The following CENPF variants were observed in gnomAD, a reference collection of about 807,000 sequenced individuals.
CENPF encodes AH antigen.
In CENPF, 214 loss-of-function variants were observed where a neutral mutation model predicts 307.3. That is an observed-to-expected ratio of 0.70 (90% CI 0.62 to 0.78). The LOEUF (loss-of-function observed/expected upper bound fraction) is 0.78, where lower values mean the gene tolerates loss of function less well. CENPF is among the 30% of genes least tolerant of loss of function. CENPF has a pLI of 0.00. For synonymous variants in CENPF, 1,259 were observed against 1,270.6 expected (o/e 0.99, Z 0.19); for missense variants, 3,401 against 3,483.9 (o/e 0.98, Z 0.60).
rs747535480 is a variant in CENPF at position 214,640,390 on chromosome 1, C to T, written c.2052C>T (p.Asn684=). The T allele has an allele frequency of 9.9e-6, 16 of 1,613,826 alleles. No individual in the cohort carries two copies. The highest frequency in any genetic ancestry group is 5.3e-5 in the African/African-American group (4 of 74,890). ...NLSVEIRNLH[N]VLDSKSVEVE... ...GTGTCGAGATCAGAAACCTTCACAA[C>T]GTGTTAGACAGTAAGTCAGTGGAGG... The change falls in exon 12 of 20, where the codon AAC becomes AAT. Residue 684 remains asparagine, a synonymous_variant. Transcript: ENST00000366955.
chr1:214,606,064 C>T (rs1657020568), intron 1 of CENPF: 12 of 1,592,516 alleles, frequency 7.5e-6, no homozygotes, highest in Admixed American at 3.4e-5. Context: ...TGATGCTGTC[C>T]GGGCTGATGC....
At chr1:214,615,483 A>T (rs963643695) in intron 3 of CENPF, among the ~76,000 whole-genome samples, 1 of 152,210 alleles carries the variant, frequency 6.6e-6, no homozygotes, top group African/African-American at 2.4e-5. Context: ...TAGTTGAAGC[A>T]TACTGATGGC....
intron 14 of CENPF, among the ~76,000 whole-genome samples, chr1:214,650,466 C>G (rs959659970): frequency 1.3e-5 from 2 of 152,032 alleles, no homozygotes; most frequent in South Asian, 4.2e-4. Flanking sequence ...GAAGGCGGCT[C>G]AGGGCCTAGC....
chr1:214,636,892 T>A (rs1325756777), intron 10 of CENPF, among the ~76,000 whole-genome samples: 1 of 152,216 alleles, frequency 6.6e-6, no homozygotes, highest in East Asian at 1.9e-4. Flanking sequence ...TTTATGCCAA[T>A]TCCCTGTGGT....
chr1:214,663,266 C>T (rs1658831718), intron 19 of CENPF, among the ~76,000 whole-genome samples: 1 of 152,164 alleles, frequency 6.6e-6, no homozygotes, highest in Admixed American at 6.5e-5. Context: ...ACAACAGAGG[C>T]AGGTTTTTCA....
rs749287821 is a variant in CENPF, at chr1:214,645,088, T to C, written c.5518T>C (p.Ser1840Pro). ...KIVGELKKEN[S>P]DLSEKLEYFS... ...AGTTGGGGAACTTAAGAAAGAAAAC[T>C]CAGATTTAAGTGAAAAATTGGAATA... Residue 1840 changes from serine to proline, a missense_variant, in exon 13 of 20, where the codon TCA (serine) becomes CCA (proline). By Grantham distance (74) the Ser-to-Pro change is moderately conservative. Coordinates refer to ENST00000366955, the MANE Select transcript of CENPF (RefSeq NM_016343.4). The C allele has an allele frequency of 6.2e-7, 1 of 1,613,034 alleles. No individual in the cohort carries two copies. The highest frequency in any genetic ancestry group is 8.5e-7 in the Non-Finnish European group (1 of 1,179,796).
chr1:214,647,291 C>G lies in CENPF; in HGVS notation c.7721C>G (p.Ser2574Cys), dbSNP rs201477597. 6.2e-7 allele frequency: 1 copy of G among 1,613,896 alleles called. No individual in the cohort carries two copies. Among genetic ancestry groups the G allele is most frequent in the Non-Finnish European group, 8.5e-7 (1 of 1,179,954 alleles). The change falls in exon 13 of 20, where the codon TCC becomes TGC. Residue 2574 changes from serine (S) to cysteine (C), a missense_variant. Ser to Cys is a moderately radical substitution (Grantham distance 112). Transcript: ENST00000366955. Reference sequence around the variant, plus strand: ...GAGCAGAAGATCCAAGTGCTACAATCCAAAAATGCCTCTTTGCAGGACACA... The same window carrying G: ...GAGCAGAAGATCCAAGTGCTACAATGCAAAAATGCCTCTTTGCAGGACACA... ...ELEQKIQVLQSKNASLQDTLE... is the reference protein window; with the variant it reads ...ELEQKIQVLQCKNASLQDTLE...
At chr1:214,653,389 A>C (rs542280204) in intron 16 of CENPF, 1 of 170,240 alleles carries the variant, frequency 5.9e-6, no homozygotes, top group East Asian at 1.6e-4. Flanking sequence ...TTACGGGGAG[A>C]TCAAAGTGTG....
chr1:214,638,051 T>G, intron 11 of CENPF, 50 bp downstream of exon 11: 2 of 1,520,794 alleles, frequency 1.3e-6, no homozygotes, highest in Non-Finnish European at 1.8e-6. Flanking sequence ...GCTATTCCCG[T>G]GAGAGGGGAT....
chr1:214,653,054 G>C, intron 16 of CENPF, 65 bp downstream of exon 16: 2 of 1,376,340 alleles, frequency 1.5e-6, no homozygotes, highest in Non-Finnish European at 2.1e-6. Context: ...GATTTTAATG[G>C]TATAGCATTA....
At chr1:214,631,776 A>C (rs531450955) in intron 9 of CENPF, among the ~76,000 whole-genome samples, 1 of 152,338 alleles carries the variant, frequency 6.6e-6, no homozygotes, top group East Asian at 1.9e-4. Flanking sequence ...CTGGGATTAC[A>C]GGCATGAGCC....
At chr1:214,611,764 G>A (rs965614159) in intron 1 of CENPF, among the ~76,000 whole-genome samples, 19 of 152,172 alleles carry the variant, frequency 1.2e-4, no homozygotes, top group Admixed American at 1.0e-3. Flanking sequence ...TTGCATTTTT[G>A]ATTTGGATCT....
intron 6 of CENPF, among the ~76,000 whole-genome samples, chr1:214,621,766 TG>T (rs1657511981): frequency 6.6e-6 from 1 of 152,178 alleles, no homozygotes; most frequent in Non-Finnish European, 1.5e-5. Flanking sequence ...TAACAAAGGG[TG>T]TCATATGTGA....
intron 1 of CENPF, among the ~76,000 whole-genome samples, chr1:214,611,529 C>T (rs1189070695): frequency 6.6e-6 from 1 of 152,140 alleles, no homozygotes; most frequent in Non-Finnish European, 1.5e-5. Flanking sequence ...CCACACCCAG[C>T]TAATCTTTGT....
intron 16 of CENPF, 180 bp from the exon 17 acceptor site, chr1:214,655,061 T>TG: frequency 2.5e-6 from 1 of 404,652 alleles, no homozygotes; most frequent in Non-Finnish European, 4.4e-6. Context: ...CATTGTCAGT[T>TG]GGGGGGACTT....
In CENPF at chr1:214,617,384, C is replaced by T. The variant is rs188684111; in HGVS notation, c.360-1189C>T. On this transcript the variant is annotated intron_variant, in intron 3 of 19. Transcript: ENST00000366955. ...ACTTCCTGTTTTAAGTAATATGTCA[C>T]GGCAAAGAGACTGGTGCACACCATT... 6.6e-4 allele frequency among the ~76,000 whole-genome samples: 100 copies of T among 152,240 alleles called. 1 individual carries two copies. The highest frequency in any genetic ancestry group is 1.2e-3 in the South Asian group (6 of 4,820).
intron 14 of CENPF, among the ~76,000 whole-genome samples, chr1:214,651,075 GAAGA>G (rs1365055385): frequency 6.6e-6 from 1 of 152,180 alleles, no homozygotes; most frequent in African/African-American, 2.4e-5. Flanking sequence ...GCTTTTTTAG[GAAGA>G]GCTGGGACGA....
At chr1:214,658,721 C>A (rs1658711777) in intron 18 of CENPF, 129 bp from the exon 19 acceptor site, 2 of 811,478 alleles carry the variant, frequency 2.5e-6, no homozygotes, top group Non-Finnish European at 1.9e-6. Context: ...AATCCATTGA[C>A]CACAGTGGCT....
chr1:214,613,308 A>G, intron 1 of CENPF: 1 of 253,426 alleles, frequency 3.9e-6, no homozygotes, highest in Non-Finnish European at 7.9e-6. Flanking sequence ...TAACTATGCC[A>G]CCTCCTACCT....
Sources: gnomAD v4.1 joint callset for allele counts (sites outside exome capture counted in the v4.1 genomes callset) on GRCh38, gnomAD v4.1.1 for gene constraint, MANE v1.5 for transcripts, NCBI Gene and HGNC (gene_info 2026-07-23, HGNC 2026-07-21) for gene names.